The following FHIT variants were observed in gnomAD, a reference collection of about 807,000 sequenced individuals.
FHIT encodes the protein bis(5'-adenosyl)-triphosphatase.
A neutral mutation model predicts 17.9 loss-of-function variants in FHIT; 19 were observed. The observed-to-expected ratio is 1.06, with a 90% CI of 0.74 to 1.56. FHIT has a LOEUF of 1.56. Among genes scored for constraint, FHIT ranks in the 40% most tolerant of loss-of-function variants. The pLI, the probability that FHIT is intolerant of heterozygous loss-of-function variation, is 0.00. For missense variants in FHIT, 248 were observed against 189.2 expected (o/e 1.31, Z -1.82); for synonymous variants, 81 against 69.7 (o/e 1.16, Z -0.81).
rs184137767 is a variant in FHIT at position 61,071,708 on chromosome 3, C to A, written c.-163-29609G>T. 2.7e-3 allele frequency among the ~76,000 whole-genome samples: 416 copies of A among 151,990 alleles called. 2 individuals carry two copies. The highest frequency in any genetic ancestry group is 3.7e-3 in the Non-Finnish European group (251 of 67,998). ...ATAAGTATTTCCATATATATTTCTA[C>A]GTTGGCATATTATTCTACACAGAAA... On this transcript the variant is annotated intron_variant, in intron 2 of 9. Transcript: ENST00000492590.
chr3:60,437,399 T>C (rs770475354), intron 5 of FHIT, among the ~76,000 whole-genome samples: 1 of 152,124 alleles, frequency 6.6e-6, no homozygotes, highest in Non-Finnish European at 1.5e-5. Flanking sequence ...GAGGCCTTCC[T>C]GTCAGGCACT....
Position 60,975,645 on chromosome 3 carries a change from A to G in FHIT, c.-111+66402T>C, listed in dbSNP as rs1052292812. The stretch of plus-strand genomic sequence containing the variant: ...TGTTTTGACCATGTCAAAATTCATC[A>G]AGGCAGGAGTTTTCAAACCTTTTTT... On this transcript the variant is annotated intron_variant, in intron 3 of 9. Coordinates refer to ENST00000492590, the MANE Select transcript of FHIT (RefSeq NM_002012.4). Among the ~76,000 whole-genome samples the G allele has an allele frequency of 2.6e-5, 4 of 152,346 alleles. No homozygotes were observed. The South Asian group carries it at 8.3e-4, about 32-fold the overall frequency.
At chr3:60,226,484 A>AAACAACAAAAAAAAAAAAAAAC (rs1412585902) in intron 5 of FHIT, among the ~76,000 whole-genome samples, 1 of 150,952 alleles carries the variant, frequency 6.6e-6, no homozygotes, top group African/African-American at 2.4e-5. Flanking sequence ...AAAAAAAAAA[A>AAACAACAAAAAAAAAAAAAAAC]AAAAAAAAAA....
At chr3:60,630,846 AAT>A (rs1312704172) in intron 4 of FHIT, among the ~76,000 whole-genome samples, 1 of 151,864 alleles carries the variant, frequency 6.6e-6, no homozygotes, top group Admixed American at 6.6e-5. Flanking sequence ...CAATTAAATC[AAT>A]GTCTTACCTG....
intron 4 of FHIT, chr3:60,732,165 A>C (rs539769865): frequency 2.1e-4 from 162 of 778,562 alleles, no homozygotes; most frequent in Admixed American, 5.1e-4. Flanking sequence ...GTCCACAGTC[A>C]GCAATGGTGA....
intron 2 of FHIT, among the ~76,000 whole-genome samples, chr3:61,130,670 AAC>A (rs1329776195): frequency 6.6e-6 from 1 of 152,236 alleles, no homozygotes; most frequent in East Asian, 1.9e-4. Flanking sequence ...ACACACATTT[AAC>A]ACTCAATACA....
At chr3:60,397,502 T>A (rs1339833943) in intron 5 of FHIT, among the ~76,000 whole-genome samples, 1 of 152,156 alleles carries the variant, frequency 6.6e-6, no homozygotes, top group African/African-American at 2.4e-5. Flanking sequence ...TAACAGCTCA[T>A]TCACTGACTA....
At chr3:60,027,483 C>T (rs1282853535) in intron 5 of FHIT, among the ~76,000 whole-genome samples, 2 of 152,120 alleles carry the variant, frequency 1.3e-5, no homozygotes, top group Non-Finnish European at 2.9e-5. Context: ...ACCATTGTCA[C>T]TGTCTTTACC....
At chr3:60,460,676 T>C (rs1016735608) in intron 5 of FHIT, among the ~76,000 whole-genome samples, 2 of 152,174 alleles carry the variant, frequency 1.3e-5, no homozygotes, top group Non-Finnish European at 2.9e-5. Context: ...TCCCAAAACA[T>C]GTATCACCCC....
chr3:60,047,940 G>A (rs1249486055), intron 5 of FHIT, among the ~76,000 whole-genome samples: 2 of 152,148 alleles, frequency 1.3e-5, no homozygotes, highest in Admixed American at 1.3e-4. Context: ...CCGTGAGTTG[G>A]GTGGCTTAAA....
At chr3:60,496,668 T>TA (rs2034312771) in intron 5 of FHIT, among the ~76,000 whole-genome samples, 2 of 152,164 alleles carry the variant, frequency 1.3e-5, no homozygotes, top group Non-Finnish European at 2.9e-5. Flanking sequence ...ACCAGTACAC[T>TA]AGGAAACACA....
chr3:60,241,365 G>C (rs901846964), intron 5 of FHIT, among the ~76,000 whole-genome samples: 9 of 152,114 alleles, frequency 5.9e-5, no homozygotes, highest in South Asian at 2.1e-4. Context: ...CATGTTTTAA[G>C]TCAAATTTAT....
At chr3:60,056,108 G>GCATTATGCA (rs1287912136) in intron 5 of FHIT, among the ~76,000 whole-genome samples, 1 of 152,196 alleles carries the variant, frequency 6.6e-6, no homozygotes, top group Non-Finnish European at 1.5e-5. Flanking sequence ...AATGCCAAGA[G>GCATTATGCA]CATTATGCAG....
intron 5 of FHIT, among the ~76,000 whole-genome samples, chr3:60,409,824 C>G (rs968912167): frequency 2.2e-4 from 34 of 152,136 alleles, no homozygotes; most frequent in African/African-American, 8.0e-4. Flanking sequence ...CCATGCTACA[C>G]GAACCTTCTT....
chr3:60,470,661 C>T (rs1402049535), intron 5 of FHIT, among the ~76,000 whole-genome samples: 1 of 152,018 alleles, frequency 6.6e-6, no homozygotes, highest in Non-Finnish European at 1.5e-5. Context: ...GGAGCCAAAT[C>T]CTGAAATCAG....
At chr3:60,357,591 G>C (rs1576530654) in intron 5 of FHIT, among the ~76,000 whole-genome samples, 2 of 152,028 alleles carry the variant, frequency 1.3e-5, no homozygotes, top group Admixed American at 6.6e-5. Flanking sequence ...ATGATTTCTT[G>C]ACAAAGTTTT....
At chr3:60,996,551 G>A (rs1046129901) in intron 3 of FHIT, among the ~76,000 whole-genome samples, 1 of 152,120 alleles carries the variant, frequency 6.6e-6, no homozygotes, top group Admixed American at 6.5e-5. Context: ...AATGTAACAA[G>A]CTTTGGTCAT....
chr3:60,478,549 G>A (rs921730749), intron 5 of FHIT, among the ~76,000 whole-genome samples: 7 of 152,176 alleles, frequency 4.6e-5, no homozygotes, highest in African/African-American at 7.2e-5. Flanking sequence ...GCAGAAGTAT[G>A]AGAAGAGTAA....
At chr3:60,293,523 G>A (rs1003601431) in intron 5 of FHIT, among the ~76,000 whole-genome samples, 2 of 152,132 alleles carry the variant, frequency 1.3e-5, no homozygotes, top group Non-Finnish European at 2.9e-5. Context: ...ACTTAATGGG[G>A]AAGGAGGTCA....
Sources: allele counts gnomAD v4.1 joint callset (sites outside exome capture counted in the v4.1 genomes callset), GRCh38; gene constraint gnomAD v4.1.1; transcripts MANE v1.5; gene names NCBI Gene and HGNC (gene_info 2026-07-23, HGNC 2026-07-21).